The following MDFI variants were observed in gnomAD, a reference collection of about 807,000 sequenced individuals.
The protein encoded by MDFI is MyoD family inhibitor, also known as inhibitor of MyoD family a.
In MDFI, 16 loss-of-function variants were observed where a neutral mutation model predicts 22.3. The observed-to-expected ratio is 0.72, with a 90% confidence interval of 0.49 to 1.09. The LOEUF (loss-of-function observed/expected upper bound fraction) is 1.09. Ranked by LOEUF, MDFI falls within the 50% of genes least tolerant of loss-of-function variation. The probability of loss-of-function intolerance (pLI) is 0.00; values close to 1 mark genes in which losing one functional copy is unlikely to be tolerated. For missense variants in MDFI, 314 were observed against 326.1 expected (o/e 0.96, Z 0.29); for synonymous variants, 145 against 142.7 (o/e 1.02, Z -0.12).
At chr6:41,649,546 G>A in intron 3 of MDFI, 73 bp from the exon 4 acceptor site, 2 of 1,355,088 alleles carry the variant, frequency 1.5e-6, no homozygotes, top group Non-Finnish European at 2.0e-6. Context: ...GCAGCAGGCA[G>A]GATTCGAGCA....
At chr6:41,652,047 A>G (rs905617840) in intron 4 of MDFI, among the ~76,000 whole-genome samples, 19 of 152,314 alleles carry the variant, frequency 1.2e-4, no homozygotes, top group African/African-American at 4.1e-4. Flanking sequence ...CGTGTAGTAC[A>G]GTGGGAGGCG....
Position 41,646,128 on chromosome 6 carries a change from C to G in MDFI, c.79C>G (p.Gln27Glu), listed in dbSNP as rs779633263. Residue 27 changes from glutamine (Q) to glutamate (E), a missense_variant and splice_region_variant, in exon 3 of 5, where the codon CAG becomes GAG. Coordinates refer to ENST00000230321, the MANE Select transcript of MDFI (RefSeq NM_005586.4). ...TCAGTCATCTGCTTTTTTCCTAGCC[C>G]AGACCCTATCCCTCCTTCCTGGGCT... Reference protein sequence around the residue: ...GAPSAAPGPAQTLSLLPGLEV... With the variant: ...GAPSAAPGPAETLSLLPGLEV... The G allele has an allele frequency of 2.6e-6, 4 of 1,511,354 alleles. No homozygotes were observed. In the Admixed American group the frequency reaches 9.0e-5, roughly 34 times the overall value. The allele number at this position is 1,511,354 out of a possible 1,614,324, so 93.6% of individuals were successfully genotyped here.
rs1019710907 is a variant in MDFI, at chr6:41,653,228, C to T, written c.485-91C>T. The T allele has an allele frequency of 2.8e-5, 37 of 1,335,542 alleles. No homozygotes were observed. Among genetic ancestry groups the T allele is most frequent in the Middle Eastern group, 1.9e-4 (1 of 5,276 alleles). The allele number at this position is 1,335,542 out of a possible 1,614,324, so 82.7% of individuals were successfully genotyped here. A position where few individuals can be genotyped will look rare whatever the true frequency, so the allele number is the denominator to read the frequency against. On this transcript the variant is annotated intron_variant, in intron 4 of 4. Coordinates refer to ENST00000230321, the MANE Select transcript of MDFI (RefSeq NM_005586.4). This position sits in a 1 kb window ranked among gnomAD's most constrained non-coding sequence, Gnocchi z 4.2. ...GAACACTCAGCGTCCCTGCTGCTGC[C>T]GCTGCCGCAGGCCCCCACACCCCCG...
Position 41,653,494 on chromosome 6 carries a change from C to T in MDFI, c.660C>T (p.Cys220=), listed in dbSNP as rs752701628. 8 of 1,602,928 alleles carry T rather than the reference C, an allele frequency of 5.0e-6. No individual in the cohort carries two copies. The Admixed American group carries it at 5.0e-5, about 10-fold the overall frequency. ...GCGACCTGCCCTGCGACCTGGACTGCGGCATCCTGGATGCCTGCTGCGAGT... is the reference window on the plus strand; with the variant it reads ...GCGACCTGCCCTGCGACCTGGACTGTGGCATCCTGGATGCCTGCTGCGAGT... ...ADCDLPCDLD[C]GILDACCESA... The change falls in exon 5 of 5, where the codon TGC becomes TGT. Residue 220 remains cysteine (C), a synonymous_variant. Transcript: ENST00000230321. This position sits in a 1 kb window ranked among gnomAD's most constrained non-coding sequence, Gnocchi z 4.2.
At chr6:41,643,760 G>A (rs913139167) in intron 2 of MDFI, among the ~76,000 whole-genome samples, 3 of 152,090 alleles carry the variant, frequency 2.0e-5, no homozygotes, top group Non-Finnish European at 2.9e-5. Flanking sequence ...CCCCTGATGA[G>A]CATTTTCTTT....
Position 41,638,856 on chromosome 6 carries a change from C to T in MDFI, c.76+31C>T, listed in dbSNP as rs1192037339. The T allele has an allele frequency of 2.6e-6, 4 of 1,530,080 alleles. No homozygotes were observed. The South Asian group carries it at 4.8e-5, about 18-fold the overall frequency. The allele number at this position is 1,530,080 out of a possible 1,614,324, so 94.8% of individuals were successfully genotyped here. Reference sequence around the variant, plus strand: ...ACCGGGAGTGGCGAGCGAAGCTGGACAGGGGCGGGTGGGCGGCTGAAGGGG... The same window carrying T: ...ACCGGGAGTGGCGAGCGAAGCTGGATAGGGGCGGGTGGGCGGCTGAAGGGG... On this transcript the variant is annotated intron_variant, in intron 2 of 4. Coordinates refer to ENST00000230321, the MANE Select transcript of MDFI (RefSeq NM_005586.4). This position sits in a 1 kb window ranked among gnomAD's most constrained non-coding sequence, Gnocchi z 7.6.
intron 2 of MDFI, among the ~76,000 whole-genome samples, chr6:41,645,733 T>C (rs1435415110): frequency 6.6e-6 from 1 of 152,176 alleles, no homozygotes; most frequent in Non-Finnish European, 1.5e-5. Context: ...CCTTTACCTC[T>C]ACCTCTCACT....
chr6:41,646,184 G>C lies in MDFI; in HGVS notation c.135G>C (p.Ala45=). Residue 45 remains alanine (A), a synonymous_variant, in exon 3 of 5, where the codon GCG becomes GCC. Coordinates refer to ENST00000230321, the MANE Select transcript of MDFI (RefSeq NM_005586.4). ...LEVVTGSTHP[A]EAAPEEGSLE... ...TAGTAACAGGATCCACTCACCCTGCGGAGGCAGCACCAGAGGAGGGCTCCC... is the reference window on the plus strand; with the variant it reads ...TAGTAACAGGATCCACTCACCCTGCCGAGGCAGCACCAGAGGAGGGCTCCC... The C allele has an allele frequency of 6.3e-7, 1 of 1,590,074 alleles. No homozygotes were observed.
At chr6:41,650,150 C>T in intron 4 of MDFI, 1 of 343,938 alleles carries the variant, frequency 2.9e-6, no homozygotes, top group Non-Finnish European at 5.2e-6. Context: ...CCCAGAGTTG[C>T]TGTGACAAGG....
Position 41,653,232 on chromosome 6 carries a change from G to A in MDFI, c.485-87G>A. The A allele has an allele frequency of 2.2e-6, 3 of 1,382,506 alleles. No individual in the cohort carries two copies. The highest frequency in any genetic ancestry group is 3.0e-6 in the Non-Finnish European group (3 of 994,630). The allele number at this position is 1,382,506 out of a possible 1,614,324, so 85.6% of individuals were successfully genotyped here. A position where few individuals can be genotyped will look rare whatever the true frequency, so the allele number is the denominator to read the frequency against. On this transcript the variant is annotated intron_variant, in intron 4 of 4. Coordinates refer to ENST00000230321, the MANE Select transcript of MDFI (RefSeq NM_005586.4). The surrounding 1 kb of genome is among the most constrained non-coding windows in gnomAD (Gnocchi z 4.2). ...ACTCAGCGTCCCTGCTGCTGCCGCT[G>A]CCGCAGGCCCCCACACCCCCGGCTA...
chr6:41,644,824 T>C (rs951401278), intron 2 of MDFI, among the ~76,000 whole-genome samples: 11 of 151,966 alleles, frequency 7.2e-5, no homozygotes, highest in Non-Finnish European at 1.6e-4. Flanking sequence ...TCTGTGTCTC[T>C]GTCTCTGCAT....
At position 41,646,327 on chromosome 6, in the gene MDFI, G is replaced by A; in HGVS notation, c.259+19G>A. On this transcript the variant is annotated intron_variant, in intron 3 of 4. Transcript: ENST00000230321. ...GTGACATGTGAGTCCTAGGGGGCCAGGAGGTTGGATGGCAACATGTAGGGT... is the reference window on the plus strand; with the variant it reads ...GTGACATGTGAGTCCTAGGGGGCCAAGAGGTTGGATGGCAACATGTAGGGT... The A allele has an allele frequency of 7.1e-7, 1 of 1,400,922 alleles. No individual in the cohort carries two copies. Among genetic ancestry groups the A allele is most frequent in the Non-Finnish European group, 9.3e-7 (1 of 1,071,498 alleles). The allele number at this position is 1,400,922 out of a possible 1,614,324, so 86.8% of individuals were successfully genotyped here. A position where few individuals can be genotyped will look rare whatever the true frequency, so the allele number is the denominator to read the frequency against.
At chr6:41,637,537 G>C (rs1001656271), upstream of MDFI, among the ~76,000 whole-genome samples, 1 of 151,916 alleles carries the variant, frequency 6.6e-6, no homozygotes, top group Non-Finnish European at 1.5e-5. This position sits in a 1 kb window ranked among gnomAD's most constrained non-coding sequence, Gnocchi z 6.8. Context: ...CCACGGGCCC[G>C]CCCAGCCCCA....
intron 2 of MDFI, among the ~76,000 whole-genome samples, chr6:41,642,413 C>T (rs533786747): frequency 6.6e-6 from 1 of 152,314 alleles, no homozygotes; most frequent in South Asian, 2.1e-4. Context: ...GATGTTCTCC[C>T]CTCTGTGGCT....
intron 2 of MDFI, among the ~76,000 whole-genome samples, chr6:41,645,283 C>A (rs1384671620): frequency 6.6e-6 from 1 of 152,120 alleles, no homozygotes; most frequent in Non-Finnish European, 1.5e-5. Flanking sequence ...ATCCCCCATC[C>A]CTTTTCCCCC....
chr6:41,639,881 G>A, intron 2 of MDFI: 4 of 985,422 alleles, frequency 4.1e-6, no homozygotes, highest in Non-Finnish European at 2.4e-6. Flanking sequence ...CGGCCTGCCT[G>A]CCTGTTCTAG....
intron 2 of MDFI, among the ~76,000 whole-genome samples, chr6:41,642,695 G>A (rs970289356): frequency 1.3e-5 from 2 of 152,152 alleles, no homozygotes; most frequent in Non-Finnish European, 2.9e-5. Flanking sequence ...GAGGTTCTCT[G>A]TCCCTCTGTG....
chr6:41,637,221 G>T (rs112305052), upstream of MDFI: 4,990 of 152,196 alleles, frequency 0.033, 116 homozygotes, highest in South Asian at 0.077. This position sits in a 1 kb window ranked among gnomAD's most constrained non-coding sequence, Gnocchi z 6.8. Flanking sequence ...TGCCGGCGCC[G>T]TGGGGGCCAT....
At position 41,643,528 on chromosome 6, in the gene MDFI, AGGAGGGAAGGAG is replaced by A. The variant is rs1165511258; in HGVS notation, c.77-2594_77-2583del. Among the ~76,000 whole-genome samples, 110 of 59,566 alleles carry A rather than the reference AGGAGGGAAGGAG, an allele frequency of 1.8e-3. 2 individuals carry two copies. Among genetic ancestry groups the A allele is most frequent in the African/African-American group, 6.5e-3 (102 of 15,638 alleles). 39.1% of individuals were successfully genotyped at this position (59,566 alleles called of 152,430 possible). On this transcript the variant is annotated intron_variant, in intron 2 of 4. Coordinates refer to ENST00000230321, the MANE Select transcript of MDFI (RefSeq NM_005586.4). ...AAATGTTAAACCACACAGCACAGGA[AGGAGGGAAGGAG>A]GGAAGGAGGGAAGGAAGGAAGGAAG... is the stretch of plus-strand genomic sequence containing the variant.
Sources: allele counts gnomAD v4.1 joint callset (sites outside exome capture counted in the v4.1 genomes callset), GRCh38; gene constraint gnomAD v4.1.1; non-coding constraint Gnocchi (gnomAD v3.1); transcripts MANE v1.5; gene names NCBI Gene and HGNC (gene_info 2026-07-23, HGNC 2026-07-21).